Variants in VWC2 observed in about 807,000 individuals in gnomAD.
VWC2 encodes brorin.
A neutral mutation model predicts 29.8 loss-of-function variants in VWC2; 14 were observed. That is an observed-to-expected ratio of 0.47 (90% confidence interval 0.31 to 0.74). VWC2 has a LOEUF of 0.74. Ranked by LOEUF, VWC2 falls within the 30% of genes least tolerant of loss-of-function variation. VWC2 has a pLI of 0.05. For synonymous variants in VWC2, 213 were observed against 199.0 expected (o/e 1.07, Z -0.59); for missense variants, 457 against 459.8 (o/e 0.99, Z 0.05).
intron 3 of VWC2, among the ~76,000 whole-genome samples, chr7:49,857,009 C>CAAAAA (rs59910243): frequency 5.5e-4 from 29 of 52,786 alleles, no homozygotes; most frequent in Middle Eastern, 0.016. Context: ...GATACTGTCT[C>CAAAAA]AAAAAAAAAA....
At chr7:49,789,353 C>T (rs192790826) in intron 2 of VWC2, among the ~76,000 whole-genome samples, 7 of 145,740 alleles carry the variant, frequency 4.8e-5, no homozygotes, top group South Asian at 2.2e-4. Flanking sequence ...GTATATGTGG[C>T]TGTGTGTGTG....
At position 49,775,417 on chromosome 7, in the gene VWC2, C is replaced by CCCCCCG; in HGVS notation, c.-19_-18insCCCCCG. 17 of 1,316,430 alleles carry CCCCCCG rather than the reference C, an allele frequency of 1.3e-5. No homozygotes were observed. The highest frequency in any genetic ancestry group is 3.9e-5 in the South Asian group (2 of 51,302). The allele number at this position is 1,316,430 out of a possible 1,614,324, so 81.5% of individuals were successfully genotyped here. On this transcript the variant is annotated 5_prime_UTR_variant, in exon 2 of 4. Coordinates refer to ENST00000340652, the MANE Select transcript of VWC2 (RefSeq NM_198570.5). ...CGGCCGCGCTCCCCGCCCGCCCGCC[C>CCCCCCG]GCCGGGACGTGGTAGGGGATGCCCA...
chr7:49,903,031 C>T (rs1300239759), intron 3 of VWC2, among the ~76,000 whole-genome samples: 1 of 152,132 alleles, frequency 6.6e-6, no homozygotes, highest in African/African-American at 2.4e-5. Flanking sequence ...ACATCACCCG[C>T]CACTAGGGAA....
intron 2 of VWC2, among the ~76,000 whole-genome samples, chr7:49,789,216 TGA>T (rs1189406165): frequency 2.0e-5 from 3 of 149,006 alleles, no homozygotes; most frequent in African/African-American, 7.4e-5. Flanking sequence ...TGTGTGTGTG[TGA>T]GTGTGGGAGA....
chr7:49,890,465 T>C (rs988526526), intron 3 of VWC2, among the ~76,000 whole-genome samples: 3 of 152,156 alleles, frequency 2.0e-5, no homozygotes, highest in Non-Finnish European at 2.9e-5. Flanking sequence ...GACCAATAAA[T>C]CCATAACATC....
intron 3 of VWC2, among the ~76,000 whole-genome samples, chr7:49,817,685 C>A (rs1789177852): frequency 6.6e-6 from 1 of 152,178 alleles, no homozygotes; most frequent in African/African-American, 2.4e-5. Flanking sequence ...TATCCATAAA[C>A]CTCCAATTCT....
At chr7:49,877,013 G>T (rs1366969168) in intron 3 of VWC2, among the ~76,000 whole-genome samples, 4 of 152,118 alleles carry the variant, frequency 2.6e-5, no homozygotes, top group Non-Finnish European at 4.4e-5. Flanking sequence ...GTCTTGGGGT[G>T]CAGGGCACTC....
At position 49,919,571 on chromosome 7, in the gene VWC2, A is replaced by G. The variant is rs1667983231; in HGVS notation, c.*7386A>G. On this transcript the variant is annotated 3_prime_UTR_variant, in exon 4 of 4. Coordinates refer to ENST00000340652, the MANE Select transcript of VWC2 (RefSeq NM_198570.5). ...TGTGAGGATTAAATAAAAAATCCTC[A>G]CAAACCCCAATTTAATTTAATATAG... The G allele has an allele frequency of 6.6e-6, 1 of 152,220 alleles. No homozygotes were observed. Among genetic ancestry groups the G allele is most frequent in the Admixed American group, 6.5e-5 (1 of 15,282 alleles). The allele number at this position is 152,220 out of a possible 1,614,324, so 9.4% of individuals were successfully genotyped here.
chr7:49,781,395 A>G (rs1788174540), intron 2 of VWC2, among the ~76,000 whole-genome samples: 1 of 152,166 alleles, frequency 6.6e-6, no homozygotes, highest in Non-Finnish European at 1.5e-5. Context: ...TTAACACCAT[A>G]ATCTTTTACA....
rs1389301363 is a variant in VWC2 at position 49,912,785 on chromosome 7, C to T, written c.*600C>T. The T allele has an allele frequency of 6.6e-6, 1 of 152,342 alleles. No homozygotes were observed. 9.4% of individuals were successfully genotyped at this position (152,342 alleles called of 1,614,324 possible). A position where few individuals can be genotyped will look rare whatever the true frequency, so the allele number is the denominator to read the frequency against. ...GGCTTTTATCTGCTTCATTCTCAGT[C>T]ACTTGTGAAATGCAGGTGTAAAGAT... On this transcript the variant is annotated 3_prime_UTR_variant, in exon 4 of 4. Transcript: ENST00000340652.
chr7:49,868,993 G>A (rs192274354), intron 3 of VWC2, among the ~76,000 whole-genome samples: 213 of 152,270 alleles, frequency 1.4e-3, no homozygotes, highest in Non-Finnish European at 2.0e-3. Flanking sequence ...TCCAGAGTAC[G>A]GTTTCTGAAG....
rs868062450 is a variant in VWC2, at chr7:49,915,642, C to T, written c.*3457C>T. ...TGTTTCAAACAAGCATTGTTGGAAA[C>T]TAAATCCATTATTTTAAATGTGGAC... On this transcript the variant is annotated 3_prime_UTR_variant, in exon 4 of 4. Coordinates refer to ENST00000340652, the MANE Select transcript of VWC2 (RefSeq NM_198570.5). The T allele has an allele frequency of 6.6e-6, 1 of 151,996 alleles. No individual in the cohort carries two copies. Among genetic ancestry groups the T allele is most frequent in the Non-Finnish European group, 1.5e-5 (1 of 67,986 alleles). The allele number at this position is 151,996 out of a possible 1,614,324, so 9.4% of individuals were successfully genotyped here. A position where few individuals can be genotyped will look rare whatever the true frequency, so the allele number is the denominator to read the frequency against.
At chr7:49,840,634 A>G (rs1056956700) in intron 3 of VWC2, among the ~76,000 whole-genome samples, 1 of 152,148 alleles carries the variant, frequency 6.6e-6, no homozygotes, top group African/African-American at 2.4e-5. Flanking sequence ...CATAAGGAGT[A>G]TTGGTTTGAT....
intron 2 of VWC2, among the ~76,000 whole-genome samples, chr7:49,777,738 G>A (rs1788082740): frequency 6.6e-6 from 1 of 152,142 alleles, no homozygotes; most frequent in Non-Finnish European, 1.5e-5. Context: ...GGGTCTGGTA[G>A]ATATCTCTCC....
At chr7:49,859,617 A>G (rs2128719671) in intron 3 of VWC2, among the ~76,000 whole-genome samples, 1 of 152,330 alleles carries the variant, frequency 6.6e-6, no homozygotes, top group Non-Finnish European at 1.5e-5. Flanking sequence ...ATTCTGTTAC[A>G]CAGGTGTATT....
chr7:49,820,198 G>A (rs769248114), intron 3 of VWC2, among the ~76,000 whole-genome samples: 1 of 152,006 alleles, frequency 6.6e-6, no homozygotes, highest in Non-Finnish European at 1.5e-5. Context: ...CCTCAGGAAC[G>A]CCCTACCCCA....
intron 3 of VWC2, among the ~76,000 whole-genome samples, chr7:49,823,373 A>G (rs796602488): frequency 2.6e-5 from 4 of 152,304 alleles, no homozygotes; most frequent in African/African-American, 9.6e-5. Context: ...GACTAAAGAG[A>G]CTGACTCTAA....
chr7:49,901,763 C>G (rs1792742475), intron 3 of VWC2, among the ~76,000 whole-genome samples: 1 of 148,506 alleles, frequency 6.7e-6, no homozygotes, highest in South Asian at 2.1e-4. Flanking sequence ...CGTAGCTGAA[C>G]TTAATATAAA....
At chr7:49,907,642 T>C (rs978920479) in intron 3 of VWC2, among the ~76,000 whole-genome samples, 2 of 152,186 alleles carry the variant, frequency 1.3e-5, no homozygotes, top group African/African-American at 4.8e-5. Flanking sequence ...AGCTTGGCTT[T>C]ATACATTTTA....
Sources: gnomAD v4.1 joint callset for allele counts (sites outside exome capture counted in the v4.1 genomes callset) on GRCh38, gnomAD v4.1.1 for gene constraint, MANE v1.5 for transcripts, NCBI Gene and HGNC (gene_info 2026-07-23, HGNC 2026-07-21) for gene names.